PIWIL1: variants seen among roughly 807,000 people sequenced by gnomAD.
PIWIL1 encodes the protein piwi like RNA-mediated gene silencing 1.
A neutral mutation model predicts 114.4 loss-of-function variants in PIWIL1; 73 were observed. That is an observed-to-expected ratio of 0.64 (90% CI 0.53 to 0.78). PIWIL1 has a LOEUF of 0.78. Ranked by LOEUF, PIWIL1 falls within the 30% of genes least tolerant of loss-of-function variation. PIWIL1 has a pLI of 0.00. For synonymous variants in PIWIL1, 375 were observed against 369.0 expected, an observed-to-expected ratio of 1.02 and a Z score of -0.19; for missense variants, 723 against 1,063.1, an observed-to-expected ratio of 0.68 and a Z score of 4.45.
chr12:130,369,671 C>T (rs896752588), intron 19 of PIWIL1, among the ~76,000 whole-genome samples: 1 of 152,174 alleles, frequency 6.6e-6, no homozygotes, highest in South Asian at 2.1e-4. Flanking sequence ...ATGTATGTTT[C>T]CTGGACACAT....
chr12:130,371,079 C>T, intron 19 of PIWIL1, 97 bp from the exon 20 acceptor site: 1 of 982,752 alleles, frequency 1.0e-6, no homozygotes, highest in Non-Finnish European at 1.6e-6. Flanking sequence ...ACTGTAGTAA[C>T]TTACAGTGAA....
the PIWIL1 span, among the ~76,000 whole-genome samples, chr12:130,388,884 G>A: frequency 3.3e-5 from 5 of 152,026 alleles, no homozygotes; most frequent in Non-Finnish European, 5.9e-5. Flanking sequence ...TGATAATTCT[G>A]TTTTCTTCTT....
the PIWIL1 span, among the ~76,000 whole-genome samples, chr12:130,405,141 C>T: frequency 6.6e-6 from 1 of 152,110 alleles, no homozygotes; most frequent in South Asian, 2.1e-4. Context: ...AAGGCAGAAA[C>T]ATTTGACCGC....
At chr12:130,374,373 A>T (rs2073850291), downstream of PIWIL1, among the ~76,000 whole-genome samples, 1 of 152,226 alleles carries the variant, frequency 6.6e-6, no homozygotes, top group Non-Finnish European at 1.5e-5. Flanking sequence ...TGGTATTGTC[A>T]TTCAGATACA....
In PIWIL1 at chr12:130,346,531, T is replaced by C. The variant is rs1464038913; in HGVS notation, c.478T>C (p.Cys160Arg). 1 of 1,613,996 alleles carries C rather than the reference T, an allele frequency of 6.2e-7. No individual in the cohort carries two copies. The highest frequency in any genetic ancestry group is 1.3e-5 in the African/African-American group (1 of 74,910). Residue 160 changes from cysteine (C) to arginine (R), a missense_variant, in exon 5 of 21, where the codon TGT (cysteine) becomes CGT (arginine). Physicochemically the swap from Cys to Arg is radical, Grantham distance 180. Coordinates refer to ENST00000245255, the MANE Select transcript of PIWIL1 (RefSeq NM_004764.5). ...LFQHEDLIGK[C>R]HAFDGTILFL... ...TCAACACGAAGATCTAATTGGAAAG[T>C]GTCATGCTTTTGATGGAACGATATT...
At chr12:130,410,686 T>A in the PIWIL1 span, among the ~76,000 whole-genome samples, 1 of 152,236 alleles carries the variant, frequency 6.6e-6, no homozygotes, top group Non-Finnish European at 1.5e-5. Context: ...TTGGTCTGTT[T>A]CTGGACTTCA....
At chr12:130,411,969 A>C in the PIWIL1 span, among the ~76,000 whole-genome samples, 1 of 152,182 alleles carries the variant, frequency 6.6e-6, no homozygotes. Flanking sequence ...TAAAACTGAT[A>C]TCTCTCTACA....
In PIWIL1 at chr12:130,361,291, A is replaced by C; in HGVS notation, c.1777A>C (p.Lys593Gln). 1 of 1,614,048 alleles carries C rather than the reference A, an allele frequency of 6.2e-7. No homozygotes were observed. Among genetic ancestry groups the C allele is most frequent in the Non-Finnish European group, 8.5e-7 (1 of 1,179,960 alleles). The part of the protein sequence containing the change: ...SQCVVARTLG[K>Q]QQTVMAIATK... ...GTGTGTGGTGGCCCGAACCTTAGGC[A>C]AACAGCAAACTGTCATGGCCATTGC... The change falls in exon 15 of 21, where the codon AAA becomes CAA. Residue 593 changes from lysine (K) to glutamine (Q), a missense_variant. This residue lies in a region of PIWIL1 where 298 missense variants were observed against 420.8 expected (regional missense o/e 0.71). Coordinates refer to ENST00000245255, the MANE Select transcript of PIWIL1 (RefSeq NM_004764.5).
At chr12:130,395,020 G>A in the PIWIL1 span, among the ~76,000 whole-genome samples, 5 of 152,142 alleles carry the variant, frequency 3.3e-5, no homozygotes, top group Admixed American at 3.3e-4. Flanking sequence ...TGGCAGGGGA[G>A]GGGGAGCAGC....
At chr12:130,414,412 A>C in the PIWIL1 span, 1 of 1,173,686 alleles carries the variant, frequency 8.5e-7, no homozygotes. Flanking sequence ...CGGTTCCTTG[A>C]CTTTTGTCTT....
At chr12:130,423,638 A>G in the PIWIL1 span, among the ~76,000 whole-genome samples, 2 of 147,428 alleles carry the variant, frequency 1.4e-5, no homozygotes, top group African/African-American at 5.0e-5. Flanking sequence ...AAAAAACAAG[A>G]ACTTTGGAAA....
downstream of PIWIL1, among the ~76,000 whole-genome samples, chr12:130,373,809 C>T (rs2073846117): frequency 6.6e-6 from 1 of 152,152 alleles, no homozygotes; most frequent in Non-Finnish European, 1.5e-5. Context: ...GCGACAGAGA[C>T]TAGGTTGATG....
At chr12:130,391,627 G>A in the PIWIL1 span, among the ~76,000 whole-genome samples, 2 of 152,116 alleles carry the variant, frequency 1.3e-5, no homozygotes, top group Non-Finnish European at 1.5e-5. Flanking sequence ...TGTGAAGTGC[G>A]GAATGGTCAC....
chr12:130,396,989 C>A, the PIWIL1 span: 1 of 159,000 alleles, frequency 6.3e-6, no homozygotes, highest in Admixed American at 6.5e-5. Flanking sequence ...ATGAGGCAAG[C>A]ATTTTGAGAA....
chr12:130,389,174 T>C, the PIWIL1 span, among the ~76,000 whole-genome samples: 1 of 152,156 alleles, frequency 6.6e-6, no homozygotes, highest in Non-Finnish European at 1.5e-5. Context: ...GTTCTTTTTT[T>C]TAAATATACC....
At chr12:130,353,976 C>T (rs1027964900) in intron 9 of PIWIL1, among the ~76,000 whole-genome samples, 1 of 151,474 alleles carries the variant, frequency 6.6e-6, no homozygotes, top group Non-Finnish European at 1.5e-5. Context: ...AAATTGTCAA[C>T]GCTTATTTTG....
intron 19 of PIWIL1, among the ~76,000 whole-genome samples, chr12:130,367,734 A>G (rs1003104171): frequency 6.6e-6 from 1 of 152,208 alleles, no homozygotes; most frequent in African/African-American, 2.4e-5. Flanking sequence ...CGGAGCTTAC[A>G]GCGGGCACCG....
At chr12:130,403,063 A>G in the PIWIL1 span, among the ~76,000 whole-genome samples, 1 of 152,230 alleles carries the variant, frequency 6.6e-6, no homozygotes, top group Non-Finnish European at 1.5e-5. Flanking sequence ...GGGATATAGC[A>G]GAACAGAGAA....
downstream of PIWIL1, chr12:130,372,737 C>T (rs567190872): frequency 1.3e-5 from 2 of 150,884 alleles, no homozygotes; most frequent in South Asian, 4.2e-4. Flanking sequence ...CGGGTATCCA[C>T]AGCTTATAAG....
Sources: allele counts gnomAD v4.1 joint callset (sites outside exome capture counted in the v4.1 genomes callset), GRCh38; gene constraint gnomAD v4.1.1; regional missense constraint gnomAD v4.1.1; transcripts MANE v1.5; gene names NCBI Gene and HGNC (gene_info 2026-07-23, HGNC 2026-07-21).